Variants in KMT2C observed in about 807,000 individuals in gnomAD.
KMT2C encodes histone-lysine N-methyltransferase 2C.
In KMT2C, 88 loss-of-function variants were observed where a neutral mutation model predicts 507.9. The ratio of observed to expected loss-of-function variants is 0.17; its 90% CI spans 0.15 to 0.21. KMT2C has a LOEUF of 0.21. KMT2C is among the 10% of genes least tolerant of loss of function. The pLI is 1.00. For missense variants in KMT2C, 4,954 were observed against 5,957.8 expected, an observed-to-expected ratio of 0.83 and a Z score of 5.55; for synonymous variants, 2,049 against 2,080.8, an observed-to-expected ratio of 0.98 and a Z score of 0.42.
chr7:152,380,013 G>A (rs958309217), intron 1 of KMT2C, among the ~76,000 whole-genome samples: 137 of 144,296 alleles, frequency 9.5e-4, no homozygotes, highest in East Asian at 5.3e-3. Context: ...CAGGCGGATT[G>A]CCTGAGCTCA....
At position 152,149,006 on chromosome 7, in the gene KMT2C, G is replaced by A. The variant is rs1360149915; in HGVS notation, c.12921C>T (p.Ile4307=). The A allele has an allele frequency of 5.1e-6, 8 of 1,560,310 alleles. No individual in the cohort carries two copies. The highest frequency in any genetic ancestry group is 6.9e-6 in the Non-Finnish European group (8 of 1,155,772). The change falls in exon 52 of 59, where the codon ATC becomes ATT. Residue 4307 remains isoleucine, a synonymous_variant. Coordinates refer to ENST00000262189, the MANE Select transcript of KMT2C (RefSeq NM_170606.3). ...CTGCTTCAAAAGCAGGAGGGAAGGC[G>A]ATGGGTGGTGAGGCAGGGGGAGAAG... is the stretch of plus-strand genomic sequence containing the variant. ...EKASPPASPP[I]AFPPAFEAAQ...
chr7:152,367,696 G>A (rs2097258667), intron 1 of KMT2C: 1 of 1,364,182 alleles, frequency 7.3e-7, no homozygotes, highest in Non-Finnish European at 1.0e-6. Flanking sequence ...GACACCCCAG[G>A]ATTTGGAGAT....
At chr7:152,421,222 G>A (rs1048988767) in intron 1 of KMT2C, among the ~76,000 whole-genome samples, 1 of 152,180 alleles carries the variant, frequency 6.6e-6, no homozygotes, top group African/African-American at 2.4e-5. Flanking sequence ...GAATGGCTAT[G>A]ATTAAAAAGT....
At chr7:152,191,249 C>T (rs1321934281) in intron 31 of KMT2C, among the ~76,000 whole-genome samples, 1 of 152,064 alleles carries the variant, frequency 6.6e-6, no homozygotes, top group African/African-American at 2.4e-5. Context: ...TGTATATGTC[C>T]CATTTCTACC....
chr7:152,144,701 G>GT lies in KMT2C; in HGVS notation c.14343+11dup, dbSNP rs774461747. On this transcript the variant is annotated intron_variant, in intron 55 of 58. Transcript: ENST00000262189. This position sits in a 1 kb window ranked among gnomAD's most constrained non-coding sequence, Gnocchi z 4.4. ...TGTCTCTCCACTTCCTGTACACAAAGTATTTCTTCACCTGAATCCGAGACC... is the reference window on the plus strand; with the variant it reads ...TGTCTCTCCACTTCCTGTACACAAAGTTATTTCTTCACCTGAATCCGAGACC... The GT allele has an allele frequency of 5.0e-6, 8 of 1,610,952 alleles. No individual in the cohort carries two copies. In the Admixed American group the frequency reaches 1.3e-4, roughly 27 times the overall value.
intron 2 of KMT2C, among the ~76,000 whole-genome samples, chr7:152,343,683 A>G (rs868506806): frequency 6.6e-6 from 1 of 152,282 alleles, no homozygotes; most frequent in South Asian, 2.1e-4. Flanking sequence ...AAGAGGTCAG[A>G]GGGAAAAAAA....
At chr7:152,170,300 G>A (rs1481803285) in intron 40 of KMT2C, among the ~76,000 whole-genome samples, 1 of 151,784 alleles carries the variant, frequency 6.6e-6, no homozygotes, top group East Asian at 1.9e-4. Context: ...TAAATCTAAA[G>A]CATAACTGGC....
intron 7 of KMT2C, among the ~76,000 whole-genome samples, chr7:152,270,928 C>T (rs571594724): frequency 2.0e-4 from 30 of 152,264 alleles, no homozygotes; most frequent in Middle Eastern, 3.4e-3. Flanking sequence ...TTAAATTTCT[C>T]AACTTTTATA....
intron 1 of KMT2C, among the ~76,000 whole-genome samples, chr7:152,425,519 G>A (rs758229968): frequency 1.3e-5 from 2 of 152,224 alleles, no homozygotes; most frequent in African/African-American, 2.4e-5. Context: ...ATAGGTTGCA[G>A]TAAGCCGAGA....
chr7:152,195,156 T>G (rs2093925369), intron 28 of KMT2C, among the ~76,000 whole-genome samples: 1 of 152,152 alleles, frequency 6.6e-6, no homozygotes. Context: ...CATGTAAAAG[T>G]GGTTTATCAT....
At chr7:152,257,248 A>T (rs1053729126) in intron 9 of KMT2C, among the ~76,000 whole-genome samples, 9 of 152,192 alleles carry the variant, frequency 5.9e-5, no homozygotes, top group African/African-American at 1.9e-4. Flanking sequence ...TACACGAAAA[A>T]AGCAACATGC....
At position 152,149,021 on chromosome 7, in the gene KMT2C, A is replaced by C; in HGVS notation, c.12906T>G (p.Pro4302=). The change falls in exon 52 of 59, where the codon CCT becomes CCG. Residue 4302 remains proline (P), a synonymous_variant. Transcript: ENST00000262189. Reference sequence around the variant, plus strand: ...GAGGGAAGGCGATGGGTGGTGAGGCAGGGGGAGAAGCTTTCTCTGGGAGCT... The same window carrying C: ...GAGGGAAGGCGATGGGTGGTGAGGCCGGGGGAGAAGCTTTCTCTGGGAGCT... The part of the protein sequence containing the change: ...LPQLPEKASP[P]ASPPIAFPPA... 1 of 1,542,050 alleles carries C rather than the reference A, an allele frequency of 6.5e-7. No homozygotes were observed. The highest frequency in any genetic ancestry group is 8.7e-7 in the Non-Finnish European group (1 of 1,148,826).
chr7:152,178,896 C>A (rs1464300389), intron 37 of KMT2C, among the ~76,000 whole-genome samples: 1 of 152,188 alleles, frequency 6.6e-6, no homozygotes, highest in Non-Finnish European at 1.5e-5. Flanking sequence ...AGGAAACATT[C>A]TTATGATTCA....
intron 1 of KMT2C, among the ~76,000 whole-genome samples, chr7:152,435,302 G>A (rs1446418556): frequency 2.0e-5 from 3 of 152,180 alleles, no homozygotes; most frequent in Non-Finnish European, 4.4e-5. Context: ...GATCCAGCTA[G>A]GCCAAGACGC....
intron 14 of KMT2C, among the ~76,000 whole-genome samples, chr7:152,240,678 G>A (rs2095366608): frequency 6.6e-6 from 1 of 152,204 alleles, no homozygotes; most frequent in African/African-American, 2.4e-5. Flanking sequence ...CTTATAAATG[G>A]CATCCAGTCC....
chr7:152,289,617 T>C (rs911503917), intron 6 of KMT2C, among the ~76,000 whole-genome samples: 2 of 152,202 alleles, frequency 1.3e-5, no homozygotes, highest in Non-Finnish European at 2.9e-5. Flanking sequence ...AGTGAGCCTG[T>C]CACTTCAAGG....
chr7:152,182,283 T>G lies in KMT2C; in HGVS notation c.5577A>C (p.Pro1859=), dbSNP rs752442479. ...KPQAPPPPPA[P]SRIPIQDSLS... Reference sequence around the variant, plus strand: ...GACTATCCTGGATGGGAATCCGGGATGGGGCTGGAGGAGGAGGTGGAGCTT... The same window carrying G: ...GACTATCCTGGATGGGAATCCGGGAGGGGGCTGGAGGAGGAGGTGGAGCTT... Residue 1859 remains proline (P), a synonymous_variant, in exon 36 of 59, where the codon CCA becomes CCC. Coordinates refer to ENST00000262189, the MANE Select transcript of KMT2C (RefSeq NM_170606.3). 6.2e-6 allele frequency: 10 copies of G among 1,613,980 alleles called. No homozygotes were observed. The highest frequency in any genetic ancestry group is 8.5e-6 in the Non-Finnish European group (10 of 1,180,024).
chr7:152,307,248 A>C (rs183683162), intron 6 of KMT2C, among the ~76,000 whole-genome samples: 2,420 of 116,968 alleles, frequency 0.021, 36 homozygotes, highest in African/African-American at 0.054. Flanking sequence ...GAAGGAAGGA[A>C]GGACGGTAGG....
At position 152,167,189 on chromosome 7, in the gene KMT2C, T is replaced by A. The variant is rs773958097; in HGVS notation, c.9707A>T (p.His3236Leu). 1 of 1,614,088 alleles carries A rather than the reference T, an allele frequency of 6.2e-7. No individual in the cohort carries two copies. Among genetic ancestry groups the A allele is most frequent in the Non-Finnish European group, 8.5e-7 (1 of 1,180,038 alleles). Residue 3236 changes from histidine to leucine, a missense_variant, in exon 42 of 59, where the codon CAT (histidine) becomes CTT (leucine). Transcript: ENST00000262189. ...AACCATGCTTTGCTGTTCAGTAACA[T>A]GCTTGAGTTGTTCTGCATCTTCCTC... ...FPEEDAEQLK[H>L]VTEQQSMVQK...
Sources: gnomAD v4.1 joint callset for allele counts (sites outside exome capture counted in the v4.1 genomes callset) on GRCh38, gnomAD v4.1.1 for gene constraint, Gnocchi (gnomAD v3.1) non-coding constraint, MANE v1.5 for transcripts, NCBI Gene and HGNC (gene_info 2026-07-23, HGNC 2026-07-21) for gene names.